The following PRSS23 variants were observed in gnomAD, a reference collection of about 807,000 sequenced individuals.
PRSS23 encodes the protein protease, serine 23.
PRSS23 carries 25 observed loss-of-function variants against 34.7 expected under a neutral mutation model. That is an observed-to-expected ratio of 0.72 (90% CI 0.53 to 1.01). The LOEUF (loss-of-function observed/expected upper bound fraction) is 1.01. Among genes scored for constraint, PRSS23 ranks in the 50% least tolerant of loss-of-function variants. PRSS23 has a pLI of 0.00. For synonymous variants in PRSS23, 176 were observed against 186.6 expected (o/e 0.94, Z 0.46); for missense variants, 445 against 475.6 (o/e 0.94, Z 0.60).
At chr11:86,867,019 CA>C (rs1255758749) in intron 2 of PRSS23, among the ~76,000 whole-genome samples, 17 of 152,184 alleles carry the variant, frequency 1.1e-4, no homozygotes, top group African/African-American at 3.9e-4. Flanking sequence ...TATAGCAACA[CA>C]AAACAAACTA....
rs35433370 is a variant in PRSS23 at position 86,808,883 on chromosome 11, CGT to C, written c.*113_*114del. On this transcript the variant is annotated 3_prime_UTR_variant, in exon 2 of 2. Coordinates refer to ENST00000280258, the MANE Select transcript of PRSS23 (RefSeq NM_007173.6). ...TTGTTTTTTGTCATTGGCGTGCACA[CGT>C]GTGTGTGTGTGTGTGTGTGTGTGTA... 52,964 of 792,552 alleles carry C rather than the reference CGT, an allele frequency of 0.067. 5 individuals carry two copies. The highest frequency in any genetic ancestry group is 0.15 in the East Asian group (4,286 of 29,398). 49.1% of individuals were successfully genotyped at this position (792,552 alleles called of 1,614,324 possible). A position where few individuals can be genotyped will look rare whatever the true frequency, so the allele number is the denominator to read the frequency against.
intron 1 of PRSS23, among the ~76,000 whole-genome samples, chr11:86,818,539 G>T (rs919206052): frequency 6.6e-6 from 1 of 152,060 alleles, no homozygotes; most frequent in Non-Finnish European, 1.5e-5. Flanking sequence ...ATATCACCTT[G>T]TTCTGTAGAT....
chr11:86,949,430 A>AT (rs1949271352), intron 2 of PRSS23: 2 of 152,026 alleles, frequency 1.3e-5, no homozygotes, highest in South Asian at 2.1e-4. Flanking sequence ...GAAAAAAAAA[A>AT]GCTTCCCTTC....
intron 2 of PRSS23, among the ~76,000 whole-genome samples, chr11:86,878,563 T>G (rs1445083412): frequency 6.6e-6 from 1 of 152,168 alleles, no homozygotes; most frequent in Non-Finnish European, 1.5e-5. Flanking sequence ...GTTCACTCAG[T>G]GCTCAATGGG....
At chr11:86,912,531 C>A (rs567228230) in intron 2 of PRSS23, among the ~76,000 whole-genome samples, 8 of 152,246 alleles carry the variant, frequency 5.3e-5, no homozygotes, top group African/African-American at 9.6e-5. Flanking sequence ...AGTTCACTAA[C>A]CCTTTCTTCT....
At chr11:86,917,186 G>A (rs546698393) in intron 2 of PRSS23, among the ~76,000 whole-genome samples, 15 of 152,282 alleles carry the variant, frequency 9.9e-5, no homozygotes, top group African/African-American at 3.6e-4. Flanking sequence ...AGGCGTGGTG[G>A]CACAAGCCTG....
downstream of PRSS23, among the ~76,000 whole-genome samples, chr11:86,813,612 A>G (rs1293492893): frequency 1.3e-5 from 2 of 152,206 alleles, no homozygotes; most frequent in Non-Finnish European, 2.9e-5. Flanking sequence ...TCACACAGAA[A>G]TATTTATTTT....
At chr11:86,849,838 C>G (rs962767640) in intron 2 of PRSS23, among the ~76,000 whole-genome samples, 1 of 152,264 alleles carries the variant, frequency 6.6e-6, no homozygotes, top group East Asian at 1.9e-4. Flanking sequence ...TGCACTCTGA[C>G]TCCCTAGTCA....
At chr11:86,816,498 C>T (rs1948216028) in intron 1 of PRSS23, among the ~76,000 whole-genome samples, 1 of 152,152 alleles carries the variant, frequency 6.6e-6, no homozygotes, top group African/African-American at 2.4e-5. Context: ...TTTAATAAGT[C>T]TTTGAGTTAC....
At chr11:86,856,160 G>A (rs1948569463) in intron 2 of PRSS23, among the ~76,000 whole-genome samples, 1 of 152,080 alleles carries the variant, frequency 6.6e-6, no homozygotes, top group African/African-American at 2.4e-5. Context: ...AAATGAAAAT[G>A]CTAAGTGGTA....
At chr11:86,800,034 C>T (rs1259129557), upstream of PRSS23, among the ~76,000 whole-genome samples, 1 of 152,184 alleles carries the variant, frequency 6.6e-6, no homozygotes, top group African/African-American at 2.4e-5. Flanking sequence ...GGTTCTGAAC[C>T]AATTCTTCAA....
intron 2 of PRSS23, among the ~76,000 whole-genome samples, chr11:86,879,464 C>A (rs1948753271): frequency 6.6e-6 from 1 of 151,234 alleles, no homozygotes; most frequent in Non-Finnish European, 1.5e-5. Flanking sequence ...GGGTCAGCCC[C>A]CGCCAGGCCA....
chr11:86,896,421 C>T (rs1255705696), intron 2 of PRSS23: 3 of 151,604 alleles, frequency 2.0e-5, no homozygotes, highest in African/African-American at 7.3e-5. Flanking sequence ...ACCTTATTTT[C>T]CATTTTAAAT....
chr11:86,824,947 T>C (rs1186886860), intron 2 of PRSS23, among the ~76,000 whole-genome samples: 3 of 152,140 alleles, frequency 2.0e-5, no homozygotes, highest in East Asian at 3.9e-4. Flanking sequence ...CATACCTGTG[T>C]ATGTGTCTTT....
intron 2 of PRSS23, among the ~76,000 whole-genome samples, chr11:86,853,563 T>A (rs1011322179): frequency 6.6e-6 from 1 of 152,152 alleles, no homozygotes; most frequent in Admixed American, 6.5e-5. Context: ...CAGAAGTGCC[T>A]GCATTTTTAA....
chr11:86,950,720 C>T (rs577177813), intron 2 of PRSS23: 8 of 242,928 alleles, frequency 3.3e-5, no homozygotes, highest in African/African-American at 1.8e-4. Context: ...ATCTGAAAGA[C>T]CCAGTTAGTA....
chr11:86,937,769 G>A lies in PRSS23; in HGVS notation c.207-13447G>A, dbSNP rs569055814. On this transcript the variant is annotated intron_variant, in intron 2 of 2. Coordinates refer to the PRSS23 transcript ENST00000533902. ...CAACCAGAAGCCTTCTGTCAGTGGA[G>A]TAGCCATTCTTTTATTCCTTTACTT... The A allele has an allele frequency of 1.2e-4, 19 of 152,336 alleles. No individual in the cohort carries two copies. The South Asian group carries it at 3.7e-3, about 30-fold the overall frequency. The allele number at this position is 152,336 out of a possible 1,614,324, so 9.4% of individuals were successfully genotyped here. A position where few individuals can be genotyped will look rare whatever the true frequency, so the allele number is the denominator to read the frequency against.
At chr11:86,817,525 A>G (rs1948222834) in intron 1 of PRSS23, among the ~76,000 whole-genome samples, 1 of 152,200 alleles carries the variant, frequency 6.6e-6, no homozygotes, top group African/African-American at 2.4e-5. Flanking sequence ...TAGAAGTAAG[A>G]CAAAGAGCCT....
chr11:86,823,370 A>G (rs1948268141), intron 1 of PRSS23: 1 of 701,994 alleles, frequency 1.4e-6, no homozygotes, highest in Non-Finnish European at 2.6e-6. Flanking sequence ...TGTTTCATCT[A>G]CTTCAGATGG....
Sources: gnomAD v4.1 joint callset for allele counts (sites outside exome capture counted in the v4.1 genomes callset) on GRCh38, gnomAD v4.1.1 for gene constraint, MANE v1.5 for transcripts, NCBI Gene and HGNC (gene_info 2026-07-23, HGNC 2026-07-21) for gene names.